The following MARK1 variants were observed in gnomAD, a reference collection of about 807,000 sequenced individuals.
MARK1 encodes the protein serine/threonine-protein kinase MARK1.
MARK1 carries 40 observed loss-of-function variants against 96.3 expected under a neutral mutation model. The ratio of observed to expected loss-of-function variants is 0.42; its 90% CI spans 0.32 to 0.54. The LOEUF (loss-of-function observed/expected upper bound fraction) is 0.54, where lower values mean the gene tolerates loss of function less well. MARK1 is among the 20% of genes least tolerant of loss of function. The probability of loss-of-function intolerance (pLI) is 0.16; values close to 1 mark genes in which losing one functional copy is unlikely to be tolerated. For missense variants in MARK1, 719 were observed against 984.6 expected (o/e 0.73, Z 3.61); for synonymous variants, 317 against 341.2 (o/e 0.93, Z 0.78).
At chr1:220,553,745 GAA>G (rs1168965796) in intron 1 of MARK1, among the ~76,000 whole-genome samples, 1 of 152,104 alleles carries the variant, frequency 6.6e-6, no homozygotes, top group Non-Finnish European at 1.5e-5. Flanking sequence ...CCTCAAAAGA[GAA>G]TAGTTGTCTG....
At chr1:220,559,419 A>T (rs1662512248) in intron 1 of MARK1, among the ~76,000 whole-genome samples, 1 of 152,254 alleles carries the variant, frequency 6.6e-6, no homozygotes. Context: ...AAGTAAACAC[A>T]GAGAAGTGAT....
intron 1 of MARK1, among the ~76,000 whole-genome samples, chr1:220,552,567 T>C (rs1295922499): frequency 1.3e-5 from 2 of 152,224 alleles, no homozygotes; most frequent in African/African-American, 4.8e-5. Flanking sequence ...ATGAGCCTGC[T>C]TTCATTCTTT....
chr1:220,548,471 G>A (rs1190168472), intron 1 of MARK1, among the ~76,000 whole-genome samples: 1 of 152,172 alleles, frequency 6.6e-6, no homozygotes, highest in African/African-American at 2.4e-5. Context: ...TGGGCACGGT[G>A]GCTCACACCT....
chr1:220,633,333 ACAGATCGCAGAG>A, intron 11 of MARK1, among the ~76,000 whole-genome samples: 1 of 151,714 alleles, frequency 6.6e-6, no homozygotes, highest in East Asian at 1.9e-4. Context: ...AGAGTCAAGA[ACAGATCGCAGAG>A]CATTAACAAT....
intron 9 of MARK1, among the ~76,000 whole-genome samples, chr1:220,621,550 T>A (rs1667052302): frequency 1.3e-5 from 2 of 152,152 alleles, no homozygotes; most frequent in African/African-American, 4.8e-5. Context: ...ATGAATAGTT[T>A]GTGCTTCTTC....
At chr1:220,582,402 T>C (rs532461578) in intron 3 of MARK1, among the ~76,000 whole-genome samples, 14 of 152,306 alleles carry the variant, frequency 9.2e-5, no homozygotes, top group African/African-American at 3.1e-4. Context: ...ACCAATTAAC[T>C]ATGCAAAGAT....
At chr1:220,655,429 C>G (rs1461569075) in intron 16 of MARK1, among the ~76,000 whole-genome samples, 1 of 152,172 alleles carries the variant, frequency 6.6e-6, no homozygotes, top group East Asian at 1.9e-4. Flanking sequence ...AGAACATGTT[C>G]AAAAGTAAAC....
At position 220,654,499 on chromosome 1, in the gene MARK1, CAT is replaced by C. The variant is rs1354697242; in HGVS notation, c.1988+1149_1988+1150del. On this transcript the variant is annotated intron_variant, in intron 16 of 17. Coordinates refer to ENST00000366917, the MANE Select transcript of MARK1 (RefSeq NM_018650.5). The surrounding 1 kb of genome is among the most constrained non-coding windows in gnomAD (Gnocchi z 4.0). ...AAAAACTTTAAAGCCTCAAATGTAACATAAATTTCTAACCATATCAGTCAGTG... is the reference window on the plus strand; with the variant it reads ...AAAAACTTTAAAGCCTCAAATGTAACAAATTTCTAACCATATCAGTCAGTG... 6.6e-6 allele frequency among the ~76,000 whole-genome samples: 1 copy of C among 152,144 alleles called. No individual in the cohort carries two copies.
In MARK1 at chr1:220,597,097, C is replaced by T. The variant is rs532099159; in HGVS notation, c.310-1234C>T. On this transcript the variant is annotated intron_variant, in intron 3 of 17. Transcript: ENST00000366917. ...ATAATATTCCATTGTTTGTATAGAC[C>T]ACATTTTGTTTATCTCTTCATCTGT... Among the ~76,000 whole-genome samples, 3 of 151,616 alleles carry T rather than the reference C, an allele frequency of 2.0e-5. No individual in the cohort carries two copies. The South Asian group carries it at 6.3e-4, about 32-fold the overall frequency.
In MARK1 at chr1:220,661,850, A is replaced by G. The variant is rs55688276; in HGVS notation, c.2072A>G (p.Glu691Gly). 2.0e-5 allele frequency: 33 copies of G among 1,612,540 alleles called. No homozygotes were observed. The highest frequency in any genetic ancestry group is 2.6e-5 in the Non-Finnish European group (31 of 1,179,036). The change falls in exon 18 of 18, where the codon GAG (glutamate) becomes GGG (glycine). Residue 691 changes from glutamate (E) to glycine (G), a missense_variant. Physicochemically the swap from Glu to Gly is moderately conservative, Grantham distance 98. Transcript: ENST00000366917. ...SGEPKERDKE[E>G]GKDSKPRSLR... ...GAACCAAAAGAAAGAGACAAGGAAG[A>G]GGGTAAAGATTCTAAGCCGCGTTCT... is the stretch of plus-strand genomic sequence containing the variant.
chr1:220,581,666 TCTTC>T (rs912520059), intron 3 of MARK1, among the ~76,000 whole-genome samples: 3 of 152,194 alleles, frequency 2.0e-5, no homozygotes, highest in African/African-American at 7.2e-5. Flanking sequence ...CATTTGCTCT[TCTTC>T]CTTCTTCCAC....
chr1:220,583,294 T>C (rs1240974152), intron 3 of MARK1, among the ~76,000 whole-genome samples: 2 of 152,202 alleles, frequency 1.3e-5, no homozygotes, highest in East Asian at 3.9e-4. Context: ...TTTATCCTCT[T>C]CTGTGTATCA....
At chr1:220,570,398 C>T (rs527574905) in intron 1 of MARK1, among the ~76,000 whole-genome samples, 1 of 152,200 alleles carries the variant, frequency 6.6e-6, no homozygotes, top group African/African-American at 2.4e-5. Flanking sequence ...ATACCAGCTG[C>T]AGAAAGAGAA....
chr1:220,579,596 T>G (rs113259688), intron 2 of MARK1, 39 bp downstream of exon 2: 1 of 1,545,050 alleles, frequency 6.5e-7, no homozygotes, highest in Non-Finnish European at 8.9e-7. Context: ...TGCCTGGACC[T>G]CTCTGGAGTC....
intron 6 of MARK1, among the ~76,000 whole-genome samples, chr1:220,615,114 A>T (rs912193145): frequency 2.0e-5 from 3 of 152,136 alleles, no homozygotes; most frequent in Non-Finnish European, 4.4e-5. Flanking sequence ...TTCTTAATTG[A>T]TTGCTATCAG....
chr1:220,589,275 T>C (rs1664835534), intron 3 of MARK1, among the ~76,000 whole-genome samples: 1 of 152,206 alleles, frequency 6.6e-6, no homozygotes, highest in Non-Finnish European at 1.5e-5. Flanking sequence ...GACGATTGTC[T>C]AAGCCATGTC....
intron 9 of MARK1, chr1:220,627,380 G>T: frequency 2.1e-6 from 1 of 483,602 alleles, no homozygotes; most frequent in South Asian, 1.5e-5. Context: ...CAAAGTCACA[G>T]AAGAGGAGAA....
intron 13 of MARK1, among the ~76,000 whole-genome samples, chr1:220,642,058 T>C (rs1388994304): frequency 6.6e-6 from 1 of 152,118 alleles, no homozygotes; most frequent in Non-Finnish European, 1.5e-5. Flanking sequence ...ATCTGGTGGC[T>C]CTCGAAACTC....
intron 2 of MARK1, 132 bp downstream of exon 2, chr1:220,579,689 A>G: frequency 1.5e-6 from 1 of 674,818 alleles, no homozygotes; most frequent in Non-Finnish European, 2.6e-6. Context: ...TGTGAATGGA[A>G]CATTAGTAGG....
Sources: allele counts gnomAD v4.1 joint callset (sites outside exome capture counted in the v4.1 genomes callset), GRCh38; gene constraint gnomAD v4.1.1; non-coding constraint Gnocchi (gnomAD v3.1); transcripts MANE v1.5; gene names NCBI Gene and HGNC (gene_info 2026-07-23, HGNC 2026-07-21).